Variants in PKD1L1 observed in about 807,000 individuals in gnomAD.
PKD1L1 encodes polycystin-1-like protein 1.
A neutral mutation model predicts 323.4 loss-of-function variants in PKD1L1; 236 were observed. The ratio of observed to expected loss-of-function variants is 0.73; its 90% CI spans 0.66 to 0.81. The LOEUF (loss-of-function observed/expected upper bound fraction) is 0.81. PKD1L1 is among the 40% of genes least tolerant of loss of function. The pLI, the probability that PKD1L1 is intolerant of heterozygous loss-of-function variation, is 0.00. For synonymous variants in PKD1L1, 1,344 were observed against 1,335.0 expected, an observed-to-expected ratio of 1.01 and a Z score of -0.15; for missense variants, 3,320 against 3,508.0, an observed-to-expected ratio of 0.95 and a Z score of 1.35.
intron 9 of PKD1L1, among the ~76,000 whole-genome samples, chr7:47,907,099 C>T (rs1192662828): frequency 3.3e-5 from 5 of 152,250 alleles, no homozygotes; most frequent in East Asian, 1.9e-4. Context: ...AATGACCAAC[C>T]GGCTAGTTAG....
intron 27 of PKD1L1, 93 bp downstream of exon 27, chr7:47,858,579 CT>C: frequency 8.5e-7 from 1 of 1,169,822 alleles, no homozygotes; most frequent in Non-Finnish European, 1.3e-6. Context: ...GAAACTGATT[CT>C]GTTTTTGGTT....
chr7:47,813,817 T>C (rs2128730208), intron 48 of PKD1L1, 114 bp downstream of exon 48: 1 of 895,494 alleles, frequency 1.1e-6, no homozygotes, highest in Non-Finnish European at 1.8e-6. Flanking sequence ...CAATTCCAAT[T>C]ACCACTGAAC....
At chr7:47,827,918 G>A (rs1008700113) in intron 44 of PKD1L1, among the ~76,000 whole-genome samples, 4 of 152,122 alleles carry the variant, frequency 2.6e-5, no homozygotes, top group African/African-American at 4.8e-5. Flanking sequence ...TACTCTGTTC[G>A]TGACAGGGCA....
rs1204260790 is a variant in PKD1L1, at chr7:47,846,981, A to G, written c.5051T>C (p.Val1684Ala). The G allele has an allele frequency of 6.2e-7, 1 of 1,614,010 alleles. No homozygotes were observed. Among genetic ancestry groups the G allele is most frequent in the Middle Eastern group, 1.6e-4 (1 of 6,062 alleles). The change falls in exon 32 of 57, where the codon GTA becomes GCA. Residue 1684 changes from valine to alanine, a missense_variant. Transcript: ENST00000289672. Reference sequence around the variant, plus strand: ...CAGGCATCGGATCCACTGGAAATGTACTGTATAGTTCACTGCCTTAGCTAA... The same window carrying G: ...CAGGCATCGGATCCACTGGAAATGTGCTGTATAGTTCACTGCCTTAGCTAA... ...RYLAKAVNYT[V>A]HFQWIRCLFW...
intron 31 of PKD1L1, among the ~76,000 whole-genome samples, chr7:47,851,303 T>C (rs1021575818): frequency 6.6e-6 from 1 of 152,178 alleles, no homozygotes; most frequent in Non-Finnish European, 1.5e-5. Flanking sequence ...GATTGTGATG[T>C]CATGTCAAGA....
rs1442160691 is a variant in PKD1L1 at position 47,840,659 on chromosome 7, G to A, written c.5446-92C>T. 2.6e-5 allele frequency: 25 copies of A among 977,448 alleles called. No homozygotes were observed. Among genetic ancestry groups the A allele is most frequent in the Middle Eastern group, 2.6e-4 (1 of 3,824 alleles). 60.5% of individuals were successfully genotyped at this position (977,448 alleles called of 1,614,324 possible). On this transcript the variant is annotated intron_variant, in intron 34 of 56. Transcript: ENST00000289672. The surrounding 1 kb of genome is among the most constrained non-coding windows in gnomAD (Gnocchi z 4.1). ...GGGCTTCCTCGCACTTTCTCCCAGC[G>A]TCCCACCCTTCCTCAAAACCATCTG...
At chr7:47,885,247 A>G (rs77728707) in intron 18 of PKD1L1, among the ~76,000 whole-genome samples, 6,975 of 152,256 alleles carry the variant, frequency 0.046, 380 homozygotes, top group African/African-American at 0.14. Context: ...TAAGCAGCTG[A>G]GGACAGTGAC....
intron 44 of PKD1L1, among the ~76,000 whole-genome samples, chr7:47,828,199 G>A (rs1174468971): frequency 1.3e-5 from 2 of 152,058 alleles, no homozygotes; most frequent in Admixed American, 6.5e-5. Flanking sequence ...GGTGTAGGGG[G>A]GCACCCCAAC....
intron 46 of PKD1L1, among the ~76,000 whole-genome samples, chr7:47,819,211 C>A (rs567860623): frequency 1.3e-5 from 2 of 152,268 alleles, no homozygotes; most frequent in South Asian, 4.2e-4. Flanking sequence ...GCCAGAGCAC[C>A]CAGAGGCAGT....
At chr7:47,858,595 G>A in intron 27 of PKD1L1, 78 bp downstream of exon 27, 1 of 1,378,470 alleles carries the variant, frequency 7.3e-7, no homozygotes, top group Non-Finnish European at 1.0e-6. Flanking sequence ...TTGGTTTTGA[G>A]AAGCAATTAC....
At chr7:47,854,351 C>G (rs959405971) in intron 30 of PKD1L1, among the ~76,000 whole-genome samples, 1 of 152,046 alleles carries the variant, frequency 6.6e-6, no homozygotes, top group African/African-American at 2.4e-5. Context: ...AGACCTCCAA[C>G]GAACTCTGCA....
At chr7:47,864,099 A>G (rs1265494093) in intron 26 of PKD1L1, among the ~76,000 whole-genome samples, 7 of 152,138 alleles carry the variant, frequency 4.6e-5, no homozygotes, top group Non-Finnish European at 1.0e-4. Flanking sequence ...GAAACTCTGG[A>G]GAAGGCAAGG....
intron 4 of PKD1L1, among the ~76,000 whole-genome samples, chr7:47,932,431 T>C (rs1787789590): frequency 6.6e-6 from 1 of 152,236 alleles, no homozygotes; most frequent in Non-Finnish European, 1.5e-5. Context: ...GTGCAGTGAC[T>C]GAGGGGGCAC....
At chr7:47,834,523 T>G in intron 39 of PKD1L1, 138 bp from the exon 40 acceptor site, 1 of 761,490 alleles carries the variant, frequency 1.3e-6, no homozygotes, top group Non-Finnish European at 2.2e-6. Context: ...AATGAGTATT[T>G]CTGAGAGGAT....
At chr7:47,842,905 T>C in intron 34 of PKD1L1, 57 bp downstream of exon 34, 3 of 1,495,446 alleles carry the variant, frequency 2.0e-6, no homozygotes, top group Non-Finnish European at 2.7e-6. Flanking sequence ...AATCCTCACT[T>C]CTGATGTTGA....
At chr7:47,873,274 T>C (rs929293106) in intron 24 of PKD1L1, among the ~76,000 whole-genome samples, 2 of 152,168 alleles carry the variant, frequency 1.3e-5, no homozygotes, top group Admixed American at 6.5e-5. Context: ...TTCAATAAAT[T>C]ATTAAAACCA....
intron 44 of PKD1L1, among the ~76,000 whole-genome samples, chr7:47,829,124 T>C (rs1785291547): frequency 6.6e-6 from 1 of 152,142 alleles, no homozygotes; most frequent in Non-Finnish European, 1.5e-5. Context: ...GAAGGGCAAA[T>C]GGACTAAAAG....
intron 31 of PKD1L1, among the ~76,000 whole-genome samples, chr7:47,849,614 C>T (rs148910644): frequency 6.6e-6 from 1 of 152,012 alleles, no homozygotes; most frequent in Non-Finnish European, 1.5e-5. Flanking sequence ...TAGGGAAATG[C>T]AAATTAAAAC....
Position 47,811,940 on chromosome 7 carries a change from G to A in PKD1L1, c.7458C>T (p.Phe2486=), listed in dbSNP as rs1161541536. ...TCTCCACTCTCAGGGACACGCTGGT[G>A]AAGAGTTGGGTTGGAGGGTTATAGA... is the stretch of plus-strand genomic sequence containing the variant. ...FTLYNPPTQL[F]TSVSLRVEIL... is the part of the protein sequence containing the mutation. Residue 2486 remains phenylalanine (F), a synonymous_variant, in exon 50 of 57, where the codon TTC becomes TTT. Transcript: ENST00000289672. 1 of 1,605,834 alleles carries A rather than the reference G, an allele frequency of 6.2e-7. No homozygotes were observed. Among genetic ancestry groups the A allele is most frequent in the East Asian group, 2.2e-5 (1 of 44,498 alleles).
Sources: gnomAD v4.1 joint callset for allele counts (sites outside exome capture counted in the v4.1 genomes callset) on GRCh38, gnomAD v4.1.1 for gene constraint, Gnocchi (gnomAD v3.1) non-coding constraint, MANE v1.5 for transcripts, NCBI Gene and HGNC (gene_info 2026-07-23, HGNC 2026-07-21) for gene names.